KLK1: variants seen among roughly 807,000 people sequenced by gnomAD.
KLK1 encodes the protein kallikrein 1.
Under a neutral mutation model 23.3 loss-of-function variants are expected in KLK1, and 22 were observed. That is an observed-to-expected ratio of 0.95 (90% CI 0.68 to 1.35). The LOEUF is 1.35. Ranked by LOEUF, KLK1 falls within the 40% of genes most tolerant of loss-of-function variation. The pLI, the probability that KLK1 is intolerant of heterozygous loss-of-function variation, is 0.00. For missense variants in KLK1, 301 were observed against 338.9 expected, an observed-to-expected ratio of 0.89 and a Z score of 0.88; for synonymous variants, 140 against 135.8, an observed-to-expected ratio of 1.03 and a Z score of -0.21.
chr19:50,819,781 G>T, intron 4 of KLK1, 118 bp downstream of exon 4: 1 of 1,004,560 alleles, frequency 1.0e-6, no homozygotes, highest in Non-Finnish European at 1.5e-6. Flanking sequence ...GATGGGGCGA[G>T]TGGCTACAGC....
intron 2 of KLK1, chr19:50,820,696 G>T: frequency 2.8e-6 from 1 of 360,972 alleles, no homozygotes; most frequent in Non-Finnish European, 5.0e-6. Flanking sequence ...GGTGAAAAAG[G>T]CGGAGGGGAG....
intron 4 of KLK1, 132 bp downstream of exon 4, chr19:50,819,767 C>A: frequency 1.2e-6 from 1 of 836,976 alleles, no homozygotes; most frequent in African/African-American, 1.7e-5. Flanking sequence ...GGAGCTGGGG[C>A]ACTGATGGGG....
At chr19:50,823,562 G>C in intron 1 of KLK1, 141 bp downstream of exon 1, 1 of 533,034 alleles carries the variant, frequency 1.9e-6, no homozygotes, top group South Asian at 3.4e-5. Flanking sequence ...GATAAGAGCC[G>C]GGGCACCCCG....
At chr19:50,820,067 C>G in intron 3 of KLK1, 32 bp from the exon 4 acceptor site, 1 of 1,612,996 alleles carries the variant, frequency 6.2e-7, no homozygotes, top group Non-Finnish European at 8.5e-7. Context: ...GGCTGCAGCC[C>G]GACCTCACCT....
Position 50,820,048 on chromosome 19 carries a change from G to C in KLK1, c.497-13C>G. On this transcript the variant is annotated splice_polypyrimidine_tract_variant and intron_variant, in intron 3 of 4. Transcript: ENST00000301420. ...TCTGGAAATGAGACTACGAACCCGGGAGAAAAAGGGCTGCAGCCCGACCTC... is the reference window on the plus strand; with the variant it reads ...TCTGGAAATGAGACTACGAACCCGGCAGAAAAAGGGCTGCAGCCCGACCTC... 2 of 1,613,664 alleles carry C rather than the reference G, an allele frequency of 1.2e-6. No individual in the cohort carries two copies. The highest frequency in any genetic ancestry group is 1.7e-6 in the Non-Finnish European group (2 of 1,179,866).
chr19:50,822,855 G>A, intron 1 of KLK1: 1 of 981,160 alleles, frequency 1.0e-6, no homozygotes, highest in Non-Finnish European at 1.2e-6. Flanking sequence ...CTTGACGTGA[G>A]GTTGTAGAAT....
rs2089828831 is a variant in KLK1, at chr19:50,821,619, T to C, written c.206+93A>G. 7.0e-7 allele frequency: 1 copy of C among 1,431,128 alleles called. No individual in the cohort carries two copies. The highest frequency in any genetic ancestry group is 2.6e-5 in the East Asian group (1 of 39,198). The allele number at this position is 1,431,128 out of a possible 1,614,324, so 88.7% of individuals were successfully genotyped here. On this transcript the variant is annotated intron_variant, in intron 2 of 4. Coordinates refer to ENST00000301420, the MANE Select transcript of KLK1 (RefSeq NM_002257.4). This position sits in a 1 kb window ranked among gnomAD's most constrained non-coding sequence, Gnocchi z 5.6. ...CTTCCTCTCTGCCTCAGCCCCCCAG[T>C]CTTGCCTGAGGTTATCCAAGGGGAA...
Position 50,821,289 on chromosome 19 carries a change from C to T in KLK1, c.206+423G>A, listed in dbSNP as rs964465140. 1.7e-4 allele frequency among the ~76,000 whole-genome samples: 26 copies of T among 152,088 alleles called. No individual in the cohort carries two copies. The highest frequency in any genetic ancestry group is 1.5e-4 in the Non-Finnish European group (10 of 68,014). On this transcript the variant is annotated intron_variant, in intron 2 of 4. Transcript: ENST00000301420. This position sits in a 1 kb window ranked among gnomAD's most constrained non-coding sequence, Gnocchi z 5.6. ...AAGCCCTTCCTTTACTCTGGGGCCT[C>T]CCTTAGGTCCATCTGGGTGTGTGTT...
chr19:50,822,589 A>C (rs774826028), intron 1 of KLK1: 37 of 985,290 alleles, frequency 3.8e-5, no homozygotes, highest in Non-Finnish European at 4.0e-5. Flanking sequence ...CAGGAATGGC[A>C]ATCTGAGGGG....
chr19:50,820,151 T>A lies in KLK1; in HGVS notation c.496+3A>T. Reference sequence around the variant, plus strand: ...TTGGGCTACACAGTCTGCCCCCACATACAATTCTCTGGTTCGATGCTGCCC... The same window carrying A: ...TTGGGCTACACAGTCTGCCCCCACAAACAATTCTCTGGTTCGATGCTGCCC... On this transcript the variant is annotated splice_donor_region_variant and intron_variant, in intron 3 of 4. Transcript: ENST00000301420. The A allele has an allele frequency of 6.3e-7, 1 of 1,599,482 alleles. No individual in the cohort carries two copies. Among genetic ancestry groups the A allele is most frequent in the Non-Finnish European group, 8.5e-7 (1 of 1,170,682 alleles).
rs759177689 is a variant in KLK1 at position 50,820,390 on chromosome 19, G to A, written c.260C>T (p.Ala87Val). 1.9e-6 allele frequency: 3 copies of A among 1,613,508 alleles called. No individual in the cohort carries two copies. The highest frequency in any genetic ancestry group is 2.2e-5 in the South Asian group (2 of 91,044). Residue 87 changes from alanine (A) to valine (V), a missense_variant, in exon 3 of 5, where the codon GCC (alanine) becomes GTC (valine). Transcript: ENST00000301420. ...RHNLFDDENTAQFVHVSESFP... is the reference protein window; with the variant it reads ...RHNLFDDENTVQFVHVSESFP... ...GCTCTCACTGACATGAACAAACTGGGCTGTGTTTTCGTCGTCAAACAAGTT... is the reference window on the plus strand; with the variant it reads ...GCTCTCACTGACATGAACAAACTGGACTGTGTTTTCGTCGTCAAACAAGTT...
In KLK1 at chr19:50,819,210, A is replaced by G; in HGVS notation, c.773T>C (p.Ile258Thr). 6.2e-7 allele frequency: 1 copy of G among 1,613,538 alleles called. No homozygotes were observed. Residue 258 changes from isoleucine (I) to threonine (T), a missense_variant, in exon 5 of 5, where the codon ATA (isoleucine) becomes ACA (threonine). Physicochemically the swap from Ile to Thr is moderately conservative, Grantham distance 89 (BLOSUM62 -1). Coordinates refer to ENST00000301420, the MANE Select transcript of KLK1 (RefSeq NM_002257.4). Reference sequence around the variant, plus strand: ...GCTGGGCGTTCAGGAGTTCTCCGCTATGGTGTCCTCGATCCACTTCACATA... The same window carrying G: ...GCTGGGCGTTCAGGAGTTCTCCGCTGTGGTGTCCTCGATCCACTTCACATA... ...LSYVKWIEDT[I>T]AENS
rs2123386032 is a variant in KLK1 at position 50,819,272 on chromosome 19, G to A, written c.711C>T (p.Thr237=). 6.2e-7 allele frequency: 1 copy of A among 1,614,154 alleles called. No homozygotes were observed. The highest frequency in any genetic ancestry group is 1.1e-5 in the South Asian group (1 of 91,076). The change falls in exon 5 of 5, where the codon ACC becomes ACT. Residue 237 remains threonine, a synonymous_variant. Transcript: ENST00000301420. ...TGACGGCGACAGAAGGCTTATTGGG[G>A]GTGCCACAAGGGACGTAGCCCCATG... ...VTSWGYVPCG[T]PNKPSVAVRV... is the part of the protein sequence containing the mutation.
At position 50,821,926 on chromosome 19, in the gene KLK1, C is replaced by G; in HGVS notation, c.47-55G>C. On this transcript the variant is annotated intron_variant, in intron 1 of 4. Coordinates refer to ENST00000301420, the MANE Select transcript of KLK1 (RefSeq NM_002257.4). The surrounding 1 kb of genome is among the most constrained non-coding windows in gnomAD (Gnocchi z 5.6). Reference sequence around the variant, plus strand: ...CAGGGTTGGCAGGAGAGGCCAGGGACAAGGCTAGGAGAGGGAGCTGGGCTG... The same window carrying G: ...CAGGGTTGGCAGGAGAGGCCAGGGAGAAGGCTAGGAGAGGGAGCTGGGCTG... The G allele has an allele frequency of 6.4e-7, 1 of 1,565,302 alleles. No individual in the cohort carries two copies. The highest frequency in any genetic ancestry group is 1.8e-5 in the Admixed American group (1 of 55,162).
At position 50,823,763 on chromosome 19, in the gene KLK1, C is replaced by T; in HGVS notation, c.-15G>A. On this transcript the variant is annotated 5_prime_UTR_variant, in exon 1 of 5. Transcript: ENST00000301420. ...AGGAACCACATGGTGACAGAGGTGT[C>T]CAGGGGCCAGCAGGTGGAGGAACTG... 1 of 1,608,000 alleles carries T rather than the reference C, an allele frequency of 6.2e-7. No homozygotes were observed. The highest frequency in any genetic ancestry group is 8.5e-7 in the Non-Finnish European group (1 of 1,175,852).
At chr19:50,822,140 A>T in intron 1 of KLK1, 2 of 1,118,066 alleles carry the variant, frequency 1.8e-6, no homozygotes, top group Non-Finnish European at 2.2e-6. Context: ...GACAGGAGAC[A>T]GTGTCTGGAG....
chr19:50,820,322 T>C lies in KLK1; in HGVS notation c.328A>G (p.Thr110Ala). Residue 110 changes from threonine (T) to alanine (A), a missense_variant, in exon 3 of 5, where the codon ACC becomes GCC. By Grantham distance (58) the Thr-to-Ala change is moderately conservative (BLOSUM62 0). Coordinates refer to ENST00000301420, the MANE Select transcript of KLK1 (RefSeq NM_002257.4). The part of the protein sequence containing the change: ...GFNMSLLENH[T>A]RQADEDYSHD... Reference sequence around the variant, plus strand: ...CTGTAGTCCTCGTCTGCTTGGCGGGTGTGGTTCTCCAGGAGGCTCATGTTG... The same window carrying C: ...CTGTAGTCCTCGTCTGCTTGGCGGGCGTGGTTCTCCAGGAGGCTCATGTTG... The C allele has an allele frequency of 1.2e-6, 2 of 1,613,660 alleles. No homozygotes were observed. Among genetic ancestry groups the C allele is most frequent in the South Asian group, 2.2e-5 (2 of 91,034 alleles).
At chr19:50,822,329 A>C in intron 1 of KLK1, 11 of 989,558 alleles carry the variant, frequency 1.1e-5, no homozygotes, top group Non-Finnish European at 1.2e-5. Context: ...GGCTAGGGAA[A>C]CAGGACCTGG....
At chr19:50,823,259 G>A (rs1163395803) in intron 1 of KLK1, among the ~76,000 whole-genome samples, 1 of 152,044 alleles carries the variant, frequency 6.6e-6, no homozygotes, top group Non-Finnish European at 1.5e-5. Context: ...GAGTGTGGTG[G>A]GATTTGTAGA....
Sources: gnomAD v4.1 joint callset for allele counts (sites outside exome capture counted in the v4.1 genomes callset) on GRCh38, gnomAD v4.1.1 for gene constraint, Gnocchi (gnomAD v3.1) non-coding constraint, MANE v1.5 for transcripts, NCBI Gene and HGNC (gene_info 2026-07-23, HGNC 2026-07-21) for gene names.